Variants in ASB18 observed in about 807,000 individuals in gnomAD.
ASB18 encodes ankyrin repeat and SOCS box protein 18.
Under a neutral mutation model 33.4 loss-of-function variants are expected in ASB18, and 33 were observed. That is an observed-to-expected ratio of 0.99 (90% CI 0.75 to 1.32). ASB18 has a LOEUF of 1.32. Ranked by LOEUF, ASB18 falls within the 40% of genes most tolerant of loss-of-function variation. The pLI, the probability that ASB18 is intolerant of heterozygous loss-of-function variation, is 0.00. For synonymous variants in ASB18, 295 were observed against 307.6 expected (o/e 0.96, Z 0.43); for missense variants, 694 against 655.5 (o/e 1.06, Z -0.64).
At position 236,241,259 on chromosome 2, in the gene ASB18, A is replaced by C; in HGVS notation, c.328+21T>G. On this transcript the variant is annotated intron_variant, in intron 2 of 5. Coordinates refer to ENST00000409749, the MANE Select transcript of ASB18 (RefSeq NM_212556.4). The surrounding 1 kb of genome is among the most constrained non-coding windows in gnomAD (Gnocchi z 4.2). Reference sequence around the variant, plus strand: ...GTAGCCCCTTAAAAATAAATGACTGAGCTTTAAAGAACAAGGGTACCTGAT... The same window carrying C: ...GTAGCCCCTTAAAAATAAATGACTGCGCTTTAAAGAACAAGGGTACCTGAT... 1 of 1,612,584 alleles carries C rather than the reference A, an allele frequency of 6.2e-7. No homozygotes were observed. Among genetic ancestry groups the C allele is most frequent in the East Asian group, 2.2e-5 (1 of 44,866 alleles).
Position 236,237,624 on chromosome 2 carries a change from G to A in ASB18, c.596+65C>T, listed in dbSNP as rs1343460944. 3.9e-6 allele frequency: 5 copies of A among 1,281,270 alleles called. No individual in the cohort carries two copies. The highest frequency in any genetic ancestry group is 3.3e-5 in the East Asian group (1 of 30,564). The allele number at this position is 1,281,270 out of a possible 1,614,324, so 79.4% of individuals were successfully genotyped here. A position where few individuals can be genotyped will look rare whatever the true frequency, so the allele number is the denominator to read the frequency against. ...GCGGAGGCGGGGTCGGCGGTCTCGT[G>A]GGGGGAGGCGGGCGTCTGGTCTCGG... is the stretch of plus-strand genomic sequence containing the variant. On this transcript the variant is annotated intron_variant, in intron 3 of 5. Transcript: ENST00000409749. The surrounding 1 kb of genome is among the most constrained non-coding windows in gnomAD (Gnocchi z 6.2).
At position 236,237,830 on chromosome 2, in the gene ASB18, C is replaced by A; in HGVS notation, c.455G>T (p.Gly152Val). The change falls in exon 3 of 6, where the codon GGC becomes GTC. Residue 152 changes from glycine (G) to valine (V), a missense_variant. Transcript: ENST00000409749. This position sits in a 1 kb window ranked among gnomAD's most constrained non-coding sequence, Gnocchi z 6.2. Reference sequence around the variant, plus strand: ...GCAGGCCTCGTGCAGGGCGCCGCGGCCGCCGGGGCTGGCGTCTGGGTCTGC... The same window carrying A: ...GCAGGCCTCGTGCAGGGCGCCGCGGACGCCGGGGCTGGCGTCTGGGTCTGC... ...RGADPDASPG[G>V]RGALHEACLG... The A allele has an allele frequency of 7.3e-7, 1 of 1,374,224 alleles. No individual in the cohort carries two copies. Among genetic ancestry groups the A allele is most frequent in the South Asian group, 1.7e-5 (1 of 58,298 alleles). The allele number at this position is 1,374,224 out of a possible 1,614,324, so 85.1% of individuals were successfully genotyped here.
rs1317487983 is a variant in ASB18 at position 236,249,986 on chromosome 2, A to T, written c.206-8584T>A. 1 of 152,236 alleles carries T rather than the reference A, an allele frequency of 6.6e-6. No homozygotes were observed. The highest frequency in any genetic ancestry group is 1.5e-5 in the Non-Finnish European group (1 of 68,044). 9.4% of individuals were successfully genotyped at this position (152,236 alleles called of 1,614,324 possible). The stretch of plus-strand genomic sequence containing the variant: ...TCTTTATAATTGAGTCCTATAGTGG[A>T]GACACAAACATGAGTTCTTTATAAT... On this transcript the variant is annotated intron_variant, in intron 1 of 5. Coordinates refer to ENST00000409749, the MANE Select transcript of ASB18 (RefSeq NM_212556.4). The surrounding 1 kb of genome is among the most constrained non-coding windows in gnomAD (Gnocchi z 4.6).
At position 236,264,400 on chromosome 2, in the gene ASB18, C is replaced by T; in HGVS notation, c.-55G>A. The T allele has an allele frequency of 6.7e-7, 1 of 1,494,298 alleles. No individual in the cohort carries two copies. 92.6% of individuals were successfully genotyped at this position (1,494,298 alleles called of 1,614,324 possible). A position where few individuals can be genotyped will look rare whatever the true frequency, so the allele number is the denominator to read the frequency against. ...TTCTTTTCTTCCTCTAAAGCGACTC[C>T]AAAGTCAGCAGCTGTCCGTGAGAGT... On this transcript the variant is annotated 5_prime_UTR_variant, in exon 1 of 6. Transcript: ENST00000409749. This position sits in a 1 kb window ranked among gnomAD's most constrained non-coding sequence, Gnocchi z 5.1.
At position 236,208,787 on chromosome 2, in the gene ASB18, C is replaced by T. The variant is rs574230700; in HGVS notation, c.1101+5575G>A. On this transcript the variant is annotated intron_variant, in intron 4 of 5. Transcript: ENST00000409749. This position sits in a 1 kb window ranked among gnomAD's most constrained non-coding sequence, Gnocchi z 7.7. ...CAGCTGGCTGCCTTCATTATTTTTACGCCAACACAGTTTAAAAATCTCCGC... is the reference window on the plus strand; with the variant it reads ...CAGCTGGCTGCCTTCATTATTTTTATGCCAACACAGTTTAAAAATCTCCGC... Among the ~76,000 whole-genome samples the T allele has an allele frequency of 2.0e-5, 3 of 152,210 alleles. No homozygotes were observed. The highest frequency in any genetic ancestry group is 2.9e-5 in the Non-Finnish European group (2 of 68,050).
At position 236,222,545 on chromosome 2, in the gene ASB18, T is replaced by C. The variant is rs563784002; in HGVS notation, c.597-7679A>G. Among the ~76,000 whole-genome samples, 1 of 152,328 alleles carries C rather than the reference T, an allele frequency of 6.6e-6. No individual in the cohort carries two copies. Among genetic ancestry groups the C allele is most frequent in the Non-Finnish European group, 1.5e-5 (1 of 68,040 alleles). On this transcript the variant is annotated intron_variant, in intron 3 of 5. Transcript: ENST00000409749. This position sits in a 1 kb window ranked among gnomAD's most constrained non-coding sequence, Gnocchi z 5.5. ...CAGCTCCACTGTGTGCCCCATGATATAGTTTGGATATTTATCACTGCTGAA... is the reference window on the plus strand; with the variant it reads ...CAGCTCCACTGTGTGCCCCATGATACAGTTTGGATATTTATCACTGCTGAA...
chr2:236,230,479 A>C (rs879533987), intron 3 of ASB18, among the ~76,000 whole-genome samples: 19 of 151,620 alleles, frequency 1.3e-4, no homozygotes, highest in Admixed American at 1.1e-3. Flanking sequence ...TTATTACTTC[A>C]ATATATTTAA....
rs2060513290 is a variant in ASB18, at chr2:236,221,576, C to G, written c.597-6710G>C. On this transcript the variant is annotated intron_variant, in intron 3 of 5. Coordinates refer to ENST00000409749, the MANE Select transcript of ASB18 (RefSeq NM_212556.4). This position sits in a 1 kb window ranked among gnomAD's most constrained non-coding sequence, Gnocchi z 5.6. ...CATTCTCTCTCTTGCTGCTGCCTTT[C>G]ACCTTCCACCTCCCCAGCCACATGG... Among the ~76,000 whole-genome samples the G allele has an allele frequency of 6.6e-6, 1 of 152,178 alleles. No individual in the cohort carries two copies. The highest frequency in any genetic ancestry group is 1.5e-5 in the Non-Finnish European group (1 of 68,038).
At position 236,200,714 on chromosome 2, in the gene ASB18, GA is replaced by G. The variant is rs2060396730; in HGVS notation, c.1102-4330del. ...AGGTCCATACGGATCCATAAAGGTG[GA>G]AGGAAGAGATCTTCACTCTATCGAT... is the stretch of plus-strand genomic sequence containing the variant. On this transcript the variant is annotated intron_variant, in intron 4 of 5. Coordinates refer to ENST00000409749, the MANE Select transcript of ASB18 (RefSeq NM_212556.4). The surrounding 1 kb of genome is among the most constrained non-coding windows in gnomAD (Gnocchi z 4.2). 6.6e-6 allele frequency among the ~76,000 whole-genome samples: 1 copy of G among 152,182 alleles called. No homozygotes were observed. The highest frequency in any genetic ancestry group is 1.5e-5 in the Non-Finnish European group (1 of 68,036).
intron 3 of ASB18, among the ~76,000 whole-genome samples, chr2:236,236,872 A>G (rs1319733645): frequency 1.3e-5 from 2 of 152,198 alleles, no homozygotes; most frequent in Non-Finnish European, 1.5e-5. Flanking sequence ...TGACAACTCC[A>G]AGGGCAGGGG....
chr2:236,214,374 G>T lies in ASB18; in HGVS notation c.1089C>A (p.Asp363Glu). 6.3e-7 allele frequency: 1 copy of T among 1,575,512 alleles called. No individual in the cohort carries two copies. Among genetic ancestry groups the T allele is most frequent in the South Asian group, 1.2e-5 (1 of 86,550 alleles). The part of the protein sequence containing the change: ...LNHGSPTVWP[D>E]AFPKVLKTCA... ...GATCCTGCCTTACCTTGGGGAAGGC[G>T]TCGGGCCACACGGTGGGAGAGCCGT... Residue 363 changes from aspartate (D) to glutamate (E), a missense_variant, in exon 4 of 6, where the codon GAC becomes GAA. Physicochemically the swap from Asp to Glu is conservative, Grantham distance 45 (BLOSUM62 2). Coordinates refer to ENST00000409749, the MANE Select transcript of ASB18 (RefSeq NM_212556.4). The surrounding 1 kb of genome is among the most constrained non-coding windows in gnomAD (Gnocchi z 6.5).
rs556588715 is a variant in ASB18, at chr2:236,244,531, C to G, written c.206-3129G>C. ...TGGGCTGTGCATCCTTGGTCACAGT[C>G]GAGCTTCCTAAGCCTCCTTTTATGC... On this transcript the variant is annotated intron_variant, in intron 1 of 5. Transcript: ENST00000409749. This position sits in a 1 kb window ranked among gnomAD's most constrained non-coding sequence, Gnocchi z 6.1. Among the ~76,000 whole-genome samples, 4 of 152,292 alleles carry G rather than the reference C, an allele frequency of 2.6e-5. No individual in the cohort carries two copies. The South Asian group carries it at 8.3e-4, about 32-fold the overall frequency.
At position 236,196,414 on chromosome 2, in the gene ASB18, T is replaced by C. The variant is rs368725732; in HGVS notation, c.1102-29A>G. The C allele has an allele frequency of 5.2e-5, 69 of 1,328,498 alleles. No individual in the cohort carries two copies. In the African/African-American group the frequency reaches 9.4e-4, roughly 18 times the overall value. The allele number at this position is 1,328,498 out of a possible 1,614,324, so 82.3% of individuals were successfully genotyped here. A position where few individuals can be genotyped will look rare whatever the true frequency, so the allele number is the denominator to read the frequency against. On this transcript the variant is annotated intron_variant, in intron 4 of 5. Coordinates refer to ENST00000409749, the MANE Select transcript of ASB18 (RefSeq NM_212556.4). This position sits in a 1 kb window ranked among gnomAD's most constrained non-coding sequence, Gnocchi z 5.6. ...GTGGGAAGAGGTGAAAGACGCAGCG[T>C]AGGCCGACTGGGTTCTGGGTCTCAG...
In ASB18 at chr2:236,244,907, C is replaced by T. The variant is rs2060637510; in HGVS notation, c.206-3505G>A. Reference sequence around the variant, plus strand: ...GCATGAGTTTATGTGCACAGACTGACCCAAGGCCTGGAGGTTCACCCAAAT... The same window carrying T: ...GCATGAGTTTATGTGCACAGACTGATCCAAGGCCTGGAGGTTCACCCAAAT... On this transcript the variant is annotated intron_variant, in intron 1 of 5. Coordinates refer to ENST00000409749, the MANE Select transcript of ASB18 (RefSeq NM_212556.4). The surrounding 1 kb of genome is among the most constrained non-coding windows in gnomAD (Gnocchi z 6.1). Among the ~76,000 whole-genome samples the T allele has an allele frequency of 6.6e-6, 1 of 152,192 alleles. No homozygotes were observed. Among genetic ancestry groups the T allele is most frequent in the African/African-American group, 2.4e-5 (1 of 41,448 alleles).
chr2:236,195,386 A>C lies in ASB18; in HGVS notation c.1216-329T>G, dbSNP rs2034669. On this transcript the variant is annotated intron_variant, in intron 5 of 5. Transcript: ENST00000409749. This position sits in a 1 kb window ranked among gnomAD's most constrained non-coding sequence, Gnocchi z 5.5. ...CCGGGGTGGCCCTGTTCATCTCCCC[A>C]AGTCATGACCAGCTCTTCCCTTCTG... 0.14 allele frequency among the ~76,000 whole-genome samples: 20,715 copies of C among 151,900 alleles called. 1,596 individuals are homozygous for C. The highest frequency in any genetic ancestry group is 0.22 in the Middle Eastern group (66 of 294).
At position 236,196,408 on chromosome 2, in the gene ASB18, G is replaced by A. The variant is rs1181530346; in HGVS notation, c.1102-23C>T. On this transcript the variant is annotated intron_variant, in intron 4 of 5. Transcript: ENST00000409749. The surrounding 1 kb of genome is among the most constrained non-coding windows in gnomAD (Gnocchi z 5.6). ...CACCTGGTGGGAAGAGGTGAAAGAC[G>A]CAGCGTAGGCCGACTGGGTTCTGGG... 8.7e-6 allele frequency: 12 copies of A among 1,378,106 alleles called. No individual in the cohort carries two copies. The highest frequency in any genetic ancestry group is 5.0e-5 in the East Asian group (2 of 40,152). 85.4% of individuals were successfully genotyped at this position (1,378,106 alleles called of 1,614,324 possible).
In ASB18 at chr2:236,219,951, T is replaced by C. The variant is rs1322314482; in HGVS notation, c.597-5085A>G. On this transcript the variant is annotated intron_variant, in intron 3 of 5. Transcript: ENST00000409749. This position sits in a 1 kb window ranked among gnomAD's most constrained non-coding sequence, Gnocchi z 6.4. ...TCTTGCAAGGATTAAGGAGACACCA[T>C]GTTGTCTCAACAGCTTCTGATATGA... Among the ~76,000 whole-genome samples, 1 of 152,214 alleles carries C rather than the reference T, an allele frequency of 6.6e-6. No homozygotes were observed. Among genetic ancestry groups the C allele is most frequent in the Admixed American group, 6.5e-5 (1 of 15,280 alleles).
chr2:236,232,466 T>C (rs959342511), intron 3 of ASB18, among the ~76,000 whole-genome samples: 1 of 151,906 alleles, frequency 6.6e-6, no homozygotes, highest in East Asian at 1.9e-4. Flanking sequence ...TGAAACTCAA[T>C]GTGAGCAAAG....
chr2:236,253,506 C>T lies in ASB18; in HGVS notation c.205+10635G>A, dbSNP rs2060677751. On this transcript the variant is annotated intron_variant, in intron 1 of 5. Transcript: ENST00000409749. The surrounding 1 kb of genome is among the most constrained non-coding windows in gnomAD (Gnocchi z 5.4). ...ATCCTTCCACCTCAGTCTCCTGAGT[C>T]GCTGGGACTACAGCCACTTGCTGGT... 6.6e-6 allele frequency among the ~76,000 whole-genome samples: 1 copy of T among 151,486 alleles called. No individual in the cohort carries two copies. The highest frequency in any genetic ancestry group is 6.6e-5 in the Admixed American group (1 of 15,176).
Sources: allele counts gnomAD v4.1 joint callset (sites outside exome capture counted in the v4.1 genomes callset), GRCh38; gene constraint gnomAD v4.1.1; non-coding constraint Gnocchi (gnomAD v3.1); transcripts MANE v1.5; gene names NCBI Gene and HGNC (gene_info 2026-07-23, HGNC 2026-07-21).